The following ATF1 variants were observed in gnomAD, a reference collection of about 807,000 sequenced individuals.
The protein encoded by ATF1 is cyclic AMP-dependent transcription factor ATF-1.
ATF1 carries 16 observed loss-of-function variants against 34.7 expected under a neutral mutation model. That is an observed-to-expected ratio of 0.46 (90% CI 0.31 to 0.70). The LOEUF (loss-of-function observed/expected upper bound fraction) is 0.70. ATF1 is among the 30% of genes least tolerant of loss of function. The probability of loss-of-function intolerance (pLI) is 0.05; values close to 1 mark genes in which losing one functional copy is unlikely to be tolerated. For missense variants in ATF1, 255 were observed against 321.6 expected (o/e 0.79, Z 1.58); for synonymous variants, 105 against 113.1 (o/e 0.93, Z 0.46).
intron 2 of ATF1, 140 bp downstream of exon 2, chr12:50,780,378 C>T: frequency 1.5e-6 from 1 of 688,698 alleles, no homozygotes; most frequent in Non-Finnish European, 2.4e-6. Context: ...GATTTTTGCT[C>T]TAGTTGCCCA....
chr12:50,774,604 A>G (rs1013694290), intron 1 of ATF1, among the ~76,000 whole-genome samples: 1 of 152,210 alleles, frequency 6.6e-6, no homozygotes, highest in African/African-American at 2.4e-5. Flanking sequence ...GTTAATCTTA[A>G]CCTTAATTTT....
At chr12:50,801,364 TA>T (rs1356024696) in intron 3 of ATF1, among the ~76,000 whole-genome samples, 6 of 152,118 alleles carry the variant, frequency 3.9e-5, no homozygotes, top group Admixed American at 3.3e-4. Context: ...TACAGTTGCT[TA>T]AAAATTAAAT....
At chr12:50,773,846 T>A (rs887125145) in intron 1 of ATF1, among the ~76,000 whole-genome samples, 9 of 151,994 alleles carry the variant, frequency 5.9e-5, no homozygotes, top group Non-Finnish European at 1.0e-4. Context: ...CGCCTCGATC[T>A]CCCAAAGCGC....
At chr12:50,779,320 C>T (rs991188924) in intron 1 of ATF1, among the ~76,000 whole-genome samples, 1 of 152,174 alleles carries the variant, frequency 6.6e-6, no homozygotes, top group African/African-American at 2.4e-5. Context: ...GTTTGAGGAA[C>T]TGCCATAGCG....
At chr12:50,767,447 G>A in intron 1 of ATF1, among the ~76,000 whole-genome samples, 1 of 152,198 alleles carries the variant, frequency 6.6e-6, no homozygotes, top group East Asian at 1.9e-4. Flanking sequence ...TTGAACCCGG[G>A]AGGCGGAGGT....
intron 1 of ATF1, among the ~76,000 whole-genome samples, chr12:50,765,367 G>A (rs1392245185): frequency 6.6e-6 from 1 of 152,166 alleles, no homozygotes; most frequent in African/African-American, 2.4e-5. Flanking sequence ...AAAGTCGAAT[G>A]TATTAGCTCT....
chr12:50,774,915 T>C (rs1683281757), intron 1 of ATF1, among the ~76,000 whole-genome samples: 1 of 151,722 alleles, frequency 6.6e-6, no homozygotes, highest in Non-Finnish European at 1.5e-5. Flanking sequence ...GCCCAGCTAA[T>C]TTTTTGTATT....
At chr12:50,778,346 C>T (rs1420788500) in intron 1 of ATF1, among the ~76,000 whole-genome samples, 1 of 150,734 alleles carries the variant, frequency 6.6e-6, no homozygotes, top group Non-Finnish European at 1.5e-5. Flanking sequence ...CTGCCTCAGC[C>T]TCCTGAGTAG....
At chr12:50,789,080 G>T (rs931135701) in intron 2 of ATF1, among the ~76,000 whole-genome samples, 8 of 151,346 alleles carry the variant, frequency 5.3e-5, no homozygotes, top group South Asian at 2.1e-4. Context: ...GGTTTTTTTT[G>T]TTGTTTTTTT....
intron 1 of ATF1, among the ~76,000 whole-genome samples, chr12:50,764,897 C>T (rs375718638): frequency 6.6e-6 from 1 of 152,212 alleles, no homozygotes; most frequent in Non-Finnish European, 1.5e-5. Context: ...AGAGTGGGGA[C>T]AGTAGGCGGC....
chr12:50,801,055 A>G (rs1213222478), intron 3 of ATF1, among the ~76,000 whole-genome samples: 2 of 152,228 alleles, frequency 1.3e-5, no homozygotes, highest in Non-Finnish European at 2.9e-5. Context: ...AGATCATGCC[A>G]CTGCACTCCA....
intron 3 of ATF1, among the ~76,000 whole-genome samples, chr12:50,798,149 T>TA (rs1246069404): frequency 8.2e-5 from 12 of 147,064 alleles, no homozygotes; most frequent in South Asian, 2.2e-4. Flanking sequence ...ACTCCATCTC[T>TA]AAAAAAAAAG....
At chr12:50,781,798 A>G (rs1391227084) in intron 2 of ATF1, among the ~76,000 whole-genome samples, 1 of 151,926 alleles carries the variant, frequency 6.6e-6, no homozygotes, top group East Asian at 1.9e-4. Context: ...CAACACCTGT[A>G]GTAACAGCTA....
chr12:50,795,729 C>T (rs185991429), intron 2 of ATF1, among the ~76,000 whole-genome samples, 180 bp from the exon 3 acceptor site: 3 of 152,272 alleles, frequency 2.0e-5, no homozygotes, highest in African/African-American at 7.2e-5. Context: ...ATAGGTTGGG[C>T]TCCTGGAATA....
intron 1 of ATF1, among the ~76,000 whole-genome samples, chr12:50,772,295 G>A (rs1041637701): frequency 6.8e-6 from 1 of 146,896 alleles, no homozygotes; most frequent in Non-Finnish European, 1.5e-5. Flanking sequence ...TGCAAGTTTT[G>A]TTGTGCCTGA....
intron 4 of ATF1, among the ~76,000 whole-genome samples, chr12:50,811,686 C>T (rs527762243): frequency 2.2e-4 from 33 of 150,512 alleles, no homozygotes; most frequent in South Asian, 1.3e-3. Context: ...CCCATCTACT[C>T]GGGAGGCTGA....
intron 2 of ATF1, among the ~76,000 whole-genome samples, chr12:50,792,737 G>C (rs749576373): frequency 5.3e-5 from 8 of 151,764 alleles, no homozygotes; most frequent in Non-Finnish European, 8.8e-5. Context: ...TTTAGGGAAA[G>C]TTATTGCTTA....
At chr12:50,786,389 A>G (rs1941185412) in intron 2 of ATF1, among the ~76,000 whole-genome samples, 1 of 152,204 alleles carries the variant, frequency 6.6e-6, no homozygotes, top group Admixed American at 6.5e-5. Context: ...ATGAATTGCT[A>G]AAGTCCAAGT....
intron 2 of ATF1, among the ~76,000 whole-genome samples, chr12:50,782,731 C>T (rs527899165): frequency 6.8e-6 from 1 of 147,200 alleles, no homozygotes; most frequent in East Asian, 2.0e-4. Flanking sequence ...GCTCTGTCGC[C>T]CAGACTGGAG....
Sources: gnomAD v4.1 joint callset for allele counts (sites outside exome capture counted in the v4.1 genomes callset) on GRCh38, gnomAD v4.1.1 for gene constraint, MANE v1.5 for transcripts, NCBI Gene and HGNC (gene_info 2026-07-23, HGNC 2026-07-21) for gene names.